Variants in ZCCHC14 observed in about 807,000 individuals in gnomAD.
ZCCHC14 encodes the protein zinc finger CCHC-type containing 14.
Under a neutral mutation model 85.0 loss-of-function variants are expected in ZCCHC14, and 16 were observed. The ratio of observed to expected loss-of-function variants is 0.19; its 90% CI spans 0.13 to 0.29. The LOEUF (loss-of-function observed/expected upper bound fraction) is 0.29. Among genes scored for constraint, ZCCHC14 ranks in the 10% least tolerant of loss-of-function variants. The pLI is 1.00. For synonymous variants in ZCCHC14, 775 were observed against 630.7 expected (o/e 1.23, Z -3.43); for missense variants, 1,303 against 1,443.5 (o/e 0.90, Z 1.58).
At chr16:87,415,200 C>T (rs1908720908) in intron 9 of ZCCHC14, 76 bp downstream of exon 9, 1 of 1,310,958 alleles carries the variant, frequency 7.6e-7, no homozygotes, top group African/African-American at 1.5e-5. Flanking sequence ...GTATTTAGCA[C>T]TGGAAGCCTC....
At chr16:87,445,337 T>A (rs560152143) in intron 2 of ZCCHC14, among the ~76,000 whole-genome samples, 2 of 152,338 alleles carry the variant, frequency 1.3e-5, no homozygotes, top group East Asian at 3.9e-4. Flanking sequence ...AGTGCTGCGA[T>A]TACAGGCGTG....
At chr16:87,455,993 C>T (rs1327781799) in intron 2 of ZCCHC14, among the ~76,000 whole-genome samples, 1 of 152,222 alleles carries the variant, frequency 6.6e-6, no homozygotes. Flanking sequence ...GTGGTATTTT[C>T]AACTTGCAGC....
At chr16:87,461,437 G>A (rs1911252395) in intron 1 of ZCCHC14, among the ~76,000 whole-genome samples, 1 of 152,222 alleles carries the variant, frequency 6.6e-6, no homozygotes, top group African/African-American at 2.4e-5. Flanking sequence ...GATATGAGAG[G>A]CGTAAGATTT....
chr16:87,488,219 CA>C (rs1409871038), intron 1 of ZCCHC14, among the ~76,000 whole-genome samples: 1 of 152,152 alleles, frequency 6.6e-6, no homozygotes, highest in Non-Finnish European at 1.5e-5. Flanking sequence ...GAAAAAGCCG[CA>C]AAGGATTTAT....
chr16:87,482,992 A>G (rs566224249), intron 1 of ZCCHC14, among the ~76,000 whole-genome samples: 4 of 152,166 alleles, frequency 2.6e-5, no homozygotes, highest in Non-Finnish European at 5.9e-5. Context: ...ATTATGCATT[A>G]TGACACAAAA....
intron 1 of ZCCHC14, among the ~76,000 whole-genome samples, chr16:87,484,439 G>A (rs961380256): frequency 6.6e-6 from 1 of 152,214 alleles, no homozygotes; most frequent in Non-Finnish European, 1.5e-5. Context: ...GTCACAGGAC[G>A]CTGAGGAATA....
At chr16:87,446,750 C>T (rs1016072793) in intron 2 of ZCCHC14, among the ~76,000 whole-genome samples, 1 of 151,882 alleles carries the variant, frequency 6.6e-6, no homozygotes, top group Non-Finnish European at 1.5e-5. Flanking sequence ...AGTGCAGTGA[C>T]GCGATCTTGG....
chr16:87,412,927 C>G lies in ZCCHC14; in HGVS notation c.1794G>C (p.Leu598=). ...ESSDKEKPVM[L]LNHFTSSSAR... The stretch of plus-strand genomic sequence containing the variant: ...CGGAACTGGAAGTGAAGTGATTCAG[C>G]AGCATCACCGGCTTCTCCTTGTCAG... Residue 598 remains leucine (L), a synonymous_variant, in exon 12 of 13, where the codon CTG becomes CTC. Coordinates refer to ENST00000671377, the MANE Select transcript of ZCCHC14 (RefSeq NM_015144.3). The G allele has an allele frequency of 6.2e-7, 1 of 1,601,898 alleles. No individual in the cohort carries two copies. Among genetic ancestry groups the G allele is most frequent in the Non-Finnish European group, 8.5e-7 (1 of 1,173,428 alleles).
At chr16:87,425,289 G>A (rs1014451867) in intron 3 of ZCCHC14, among the ~76,000 whole-genome samples, 7 of 152,128 alleles carry the variant, frequency 4.6e-5, no homozygotes, top group Admixed American at 1.3e-4. Context: ...AAATGAAAAT[G>A]CTTGAGGCCG....
intron 2 of ZCCHC14, among the ~76,000 whole-genome samples, chr16:87,458,150 A>G (rs963285454): frequency 5.3e-5 from 8 of 151,766 alleles, no homozygotes; most frequent in African/African-American, 1.9e-4. Flanking sequence ...CTGAAGAAAA[A>G]GCACTGAAGG....
intron 2 of ZCCHC14, among the ~76,000 whole-genome samples, chr16:87,441,891 A>G (rs929915669): frequency 3.9e-5 from 6 of 152,188 alleles, no homozygotes; most frequent in African/African-American, 1.4e-4. Context: ...CCTGGAAGGG[A>G]GACGCTCCTC....
In ZCCHC14 at chr16:87,411,353, T is replaced by C. The variant is rs1460152751; in HGVS notation, c.3205+163A>G. ...GTTTTAGACCCAACAGCAGTCCTTC[T>C]GGGGACCTCACGGCCTATCATGAAG... On this transcript the variant is annotated intron_variant, in intron 12 of 12. Transcript: ENST00000671377. 4.0e-6 allele frequency: 6 copies of C among 1,502,406 alleles called. No individual in the cohort carries two copies. The African/African-American group carries it at 4.2e-5, about 10-fold the overall frequency. 93.1% of individuals were successfully genotyped at this position (1,502,406 alleles called of 1,614,324 possible). A position where few individuals can be genotyped will look rare whatever the true frequency, so the allele number is the denominator to read the frequency against.
intron 2 of ZCCHC14, among the ~76,000 whole-genome samples, chr16:87,443,453 T>C (rs1910281159): frequency 1.3e-5 from 2 of 152,106 alleles, no homozygotes; most frequent in East Asian, 3.9e-4. Flanking sequence ...ATGCTGACAG[T>C]GGCCAGGCAT....
intron 9 of ZCCHC14, 123 bp from the exon 10 acceptor site, chr16:87,414,664 G>T: frequency 7.5e-7 from 1 of 1,335,060 alleles, no homozygotes; most frequent in Non-Finnish European, 1.0e-6. Flanking sequence ...CTTCGAGATG[G>T]GTCTACTCCA....
chr16:87,440,482 CAG>C (rs919422298), intron 2 of ZCCHC14, among the ~76,000 whole-genome samples: 1 of 151,884 alleles, frequency 6.6e-6, no homozygotes, highest in Non-Finnish European at 1.5e-5. Flanking sequence ...AAGTTTTAGA[CAG>C]AGAGATCAGG....
In ZCCHC14 at chr16:87,436,081, AT is replaced by A. The variant is rs1230511506; in HGVS notation, c.695-2881del. 7.2e-5 allele frequency among the ~76,000 whole-genome samples: 11 copies of A among 152,342 alleles called. No homozygotes were observed. The South Asian group carries it at 1.2e-3, about 17-fold the overall frequency. Reference sequence around the variant, plus strand: ...AGCATTCTCCCTGGCCACAAACACCATGTGTACCTCATGTCCCAGGACTGAA... The same window carrying A: ...AGCATTCTCCCTGGCCACAAACACCAGTGTACCTCATGTCCCAGGACTGAA... On this transcript the variant is annotated intron_variant, in intron 2 of 12. Transcript: ENST00000671377.
intron 1 of ZCCHC14, among the ~76,000 whole-genome samples, chr16:87,485,403 T>G (rs1178806597): frequency 6.6e-6 from 1 of 152,174 alleles, no homozygotes; most frequent in African/African-American, 2.4e-5. Context: ...CAGGTCTCTC[T>G]ACAATAAAAA....
chr16:87,483,584 T>C (rs1401358780), intron 1 of ZCCHC14, among the ~76,000 whole-genome samples: 3 of 152,228 alleles, frequency 2.0e-5, no homozygotes, highest in African/African-American at 7.2e-5. Context: ...TGAAATCGTT[T>C]ACTTGAAACA....
At position 87,417,474 on chromosome 16, in the gene ZCCHC14, G is replaced by C; in HGVS notation, c.1369C>G (p.Leu457Val). The C allele has an allele frequency of 6.2e-7, 1 of 1,614,000 alleles. No individual in the cohort carries two copies. The highest frequency in any genetic ancestry group is 8.5e-7 in the Non-Finnish European group (1 of 1,179,828). ...AACCGACATACCTTCTCCATGGAGAGCTGCTTAAAGACGGGGTAATACTTG... is the reference window on the plus strand; with the variant it reads ...AACCGACATACCTTCTCCATGGAGACCTGCTTAAAGACGGGGTAATACTTG... ...LHKYYPVFKQLSMEKFLSLTE... is the reference protein window; with the variant it reads ...LHKYYPVFKQVSMEKFLSLTE... Residue 457 changes from leucine (L) to valine (V), a missense_variant, in exon 8 of 13, where the codon CTC becomes GTC. By Grantham distance (32) the Leu-to-Val change is conservative (BLOSUM62 1). Around this residue, in one of 7 missense-constraint regions of ZCCHC14, gnomAD observed 10 missense variants for 54.4 expected, o/e 0.18. Transcript: ENST00000671377.
Sources: allele counts gnomAD v4.1 joint callset (sites outside exome capture counted in the v4.1 genomes callset), GRCh38; gene constraint gnomAD v4.1.1; regional missense constraint gnomAD v4.1.1; transcripts MANE v1.5; gene names NCBI Gene and HGNC (gene_info 2026-07-23, HGNC 2026-07-21).